The following NOXRED1 variants were observed in gnomAD, a reference collection of about 807,000 sequenced individuals.
NOXRED1 encodes NADP dependent oxidoreductase domain containing 1.
NOXRED1 carries 20 observed loss-of-function variants against 30.4 expected under a neutral mutation model. The observed-to-expected ratio is 0.66, with a 90% CI of 0.46 to 0.96. NOXRED1 has a LOEUF of 0.96. NOXRED1 is among the 40% of genes least tolerant of loss of function. The probability of loss-of-function intolerance (pLI) is 0.00; values close to 1 mark genes in which losing one functional copy is unlikely to be tolerated. For missense variants in NOXRED1, 374 were observed against 428.0 expected (o/e 0.87, Z 1.11); for synonymous variants, 155 against 168.0 (o/e 0.92, Z 0.60).
At position 77,407,634 on chromosome 14, in the gene NOXRED1, T is replaced by G; in HGVS notation, c.361A>C (p.Lys121Gln). The change falls in exon 3 of 6, where the codon AAG becomes CAG. Residue 121 changes from lysine (K) to glutamine (Q), a missense_variant. Physicochemically the swap from Lys to Gln is moderately conservative, Grantham distance 53. Transcript: ENST00000380835. ...RRPETLGELQ[K>Q]LGIKCFYHNA... ...TGGTAAAAGCATTTGATTCCCAGCT[T>G]CTGGAGCTCACCTGGGAGGGATAAA... 6.2e-7 allele frequency: 1 copy of G among 1,613,920 alleles called. No homozygotes were observed. Among genetic ancestry groups the G allele is most frequent in the Non-Finnish European group, 8.5e-7 (1 of 1,179,780 alleles).
At chr14:77,405,169 C>A (rs1027925741) in intron 5 of NOXRED1, among the ~76,000 whole-genome samples, 4 of 152,148 alleles carry the variant, frequency 2.6e-5, no homozygotes, top group African/African-American at 9.7e-5. Context: ...CCAAGGCGGG[C>A]GGATCACTTG....
At chr14:77,399,763 T>A (rs1009418761) in intron 5 of NOXRED1, among the ~76,000 whole-genome samples, 4 of 151,976 alleles carry the variant, frequency 2.6e-5, no homozygotes, top group African/African-American at 9.7e-5. Flanking sequence ...AACATGCGCA[T>A]AATGAGACTA....
Position 77,410,094 on chromosome 14 carries a change from T to C in NOXRED1, c.350-2449A>G, listed in dbSNP as rs1034321142. ...CTGGGATTACCGGCATGAGCCACCA[T>C]GCCCAGTTGGTAAGATTTTTTTTTT... On this transcript the variant is annotated intron_variant, in intron 2 of 5. Coordinates refer to ENST00000380835, the MANE Select transcript of NOXRED1 (RefSeq NM_001113475.3). Among the ~76,000 whole-genome samples the C allele has an allele frequency of 8.6e-5, 13 of 151,660 alleles. No individual in the cohort carries two copies. In the South Asian group the frequency reaches 2.7e-3, roughly 32 times the overall value.
Position 77,413,839 on chromosome 14 carries a change from G to A in NOXRED1, c.349+95C>T, listed in dbSNP as rs920636026. The A allele has an allele frequency of 8.9e-6, 7 of 785,982 alleles. No homozygotes were observed. The African/African-American group carries it at 1.2e-4, about 14-fold the overall frequency. The allele number at this position is 785,982 out of a possible 1,614,324, so 48.7% of individuals were successfully genotyped here. A position where few individuals can be genotyped will look rare whatever the true frequency, so the allele number is the denominator to read the frequency against. On this transcript the variant is annotated intron_variant, in intron 2 of 5. Coordinates refer to ENST00000380835, the MANE Select transcript of NOXRED1 (RefSeq NM_001113475.3). Reference sequence around the variant, plus strand: ...AAGCTGAGAACTCCACACGCTGTATGCAAGGATTCCTCTTTGGAGGACCCT... The same window carrying A: ...AAGCTGAGAACTCCACACGCTGTATACAAGGATTCCTCTTTGGAGGACCCT...
At chr14:77,398,622 TACCC>T (rs1349631997) in intron 5 of NOXRED1, among the ~76,000 whole-genome samples, 2 of 152,204 alleles carry the variant, frequency 1.3e-5, no homozygotes, top group African/African-American at 4.8e-5. Context: ...GACTGAGACC[TACCC>T]GTAGGACTAT....
In NOXRED1 at chr14:77,423,204, G is replaced by A. The variant is rs1215343401; in HGVS notation, c.-315C>T. 1.9e-5 allele frequency: 5 copies of A among 266,066 alleles called. No individual in the cohort carries two copies. The highest frequency in any genetic ancestry group is 2.8e-5 in the Non-Finnish European group (4 of 141,038). The allele number at this position is 266,066 out of a possible 1,614,324, so 16.5% of individuals were successfully genotyped here. A position where few individuals can be genotyped will look rare whatever the true frequency, so the allele number is the denominator to read the frequency against. On this transcript the variant is annotated 5_prime_UTR_variant, in exon 1 of 6. The change creates a premature stop within an existing upstream ORF in the 5' untranslated region. Transcript: ENST00000380835. ...CACACAGGTTACAGGCACTGTTTTCGGCAGATGAATTTACAACAGCAATTG... is the reference window on the plus strand; with the variant it reads ...CACACAGGTTACAGGCACTGTTTTCAGCAGATGAATTTACAACAGCAATTG...
chr14:77,425,844 C>T (rs1566717305), upstream of NOXRED1, among the ~76,000 whole-genome samples: 2 of 152,238 alleles, frequency 1.3e-5, no homozygotes, highest in Non-Finnish European at 2.9e-5. Context: ...GCCATATTGC[C>T]TTAAGGCATG....
chr14:77,415,258 G>A (rs1031684085), intron 1 of NOXRED1, among the ~76,000 whole-genome samples: 4 of 151,722 alleles, frequency 2.6e-5, no homozygotes, highest in Non-Finnish European at 4.4e-5. Flanking sequence ...AAAGTGCACA[G>A]TACAGTTGTG....
In NOXRED1 at chr14:77,414,033, C is replaced by T; in HGVS notation, c.250G>A (p.Gly84Ser). 2 of 1,612,832 alleles carry T rather than the reference C, an allele frequency of 1.2e-6. No homozygotes were observed. The highest frequency in any genetic ancestry group is 1.7e-6 in the Non-Finnish European group (2 of 1,179,008). ...GCCAGCTGCTTCCCAAGGTGGCCAC[C>T]TCCAATGATGCCCACCTTAAACTCT... ...PEEFKVGIIGGGHLGKQLAGT... is the reference protein window; with the variant it reads ...PEEFKVGIIGSGHLGKQLAGT... The change falls in exon 2 of 6, where the codon GGT becomes AGT. Residue 84 changes from glycine (G) to serine (S), a missense_variant. Gly to Ser is a moderately conservative substitution (Grantham distance 56, BLOSUM62 0). Coordinates refer to ENST00000380835, the MANE Select transcript of NOXRED1 (RefSeq NM_001113475.3).
upstream of NOXRED1, among the ~76,000 whole-genome samples, chr14:77,424,079 C>T (rs752163754): frequency 9.9e-5 from 15 of 152,182 alleles, no homozygotes; most frequent in Non-Finnish European, 1.9e-4. Context: ...TGGAATCATA[C>T]AATATGTGAC....
chr14:77,413,882 G>T, intron 2 of NOXRED1, 52 bp downstream of exon 2: 1 of 1,313,434 alleles, frequency 7.6e-7, no homozygotes, highest in Non-Finnish European at 1.0e-6. Context: ...TGGCTTTGTT[G>T]ACACCTACAC....
chr14:77,407,726 A>C, intron 2 of NOXRED1, 81 bp from the exon 3 acceptor site: 1 of 937,206 alleles, frequency 1.1e-6, no homozygotes, highest in Non-Finnish European at 1.7e-6. Flanking sequence ...GAGGGTGATC[A>C]TTATTTTAGC....
chr14:77,422,943 C>A lies in NOXRED1; in HGVS notation c.-54G>T. The A allele has an allele frequency of 6.7e-7, 1 of 1,503,144 alleles. No homozygotes were observed. The highest frequency in any genetic ancestry group is 1.2e-5 in the South Asian group (1 of 82,366). 93.1% of individuals were successfully genotyped at this position (1,503,144 alleles called of 1,614,324 possible). A position where few individuals can be genotyped will look rare whatever the true frequency, so the allele number is the denominator to read the frequency against. On this transcript the variant is annotated 5_prime_UTR_variant, in exon 1 of 6. Transcript: ENST00000380835. ...GACACTAATCAATTTGGCTCCCTGT[C>A]CCGGTAGAAGAGGGGTCTATGTAGG...
intron 1 of NOXRED1, among the ~76,000 whole-genome samples, chr14:77,415,203 C>G (rs1894779006): frequency 6.6e-6 from 1 of 151,712 alleles, no homozygotes; most frequent in African/African-American, 2.4e-5. Flanking sequence ...CACACACACA[C>G]ACACACACAC....
chr14:77,418,169 C>T (rs1821968443), intron 1 of NOXRED1, among the ~76,000 whole-genome samples: 1 of 151,986 alleles, frequency 6.6e-6, no homozygotes, highest in African/African-American at 2.4e-5. Context: ...GGGTCTCACC[C>T]TGTGGCCCAG....
intron 1 of NOXRED1, 140 bp downstream of exon 1, chr14:77,422,595 G>A: frequency 1.3e-6 from 1 of 793,618 alleles, no homozygotes; most frequent in Non-Finnish European, 2.1e-6. Context: ...TAGACCAGGA[G>A]TCATTGACTC....
intron 3 of NOXRED1, among the ~76,000 whole-genome samples, chr14:77,407,252 C>T (rs899659384): frequency 6.6e-6 from 1 of 152,142 alleles, no homozygotes; most frequent in African/African-American, 2.4e-5. Flanking sequence ...TGTACAGCAA[C>T]AAAAATGGTT....
At position 77,423,178 on chromosome 14, in the gene NOXRED1, C is replaced by A; in HGVS notation, c.-289G>T. 1 of 332,770 alleles carries A rather than the reference C, an allele frequency of 3.0e-6. No homozygotes were observed. The highest frequency in any genetic ancestry group is 5.5e-6 in the Non-Finnish European group (1 of 182,844). 20.6% of individuals were successfully genotyped at this position (332,770 alleles called of 1,614,324 possible). A position where few individuals can be genotyped will look rare whatever the true frequency, so the allele number is the denominator to read the frequency against. ...TACAGAAACCCAAAGTATTGTTTCT[C>A]CACACAGGTTACAGGCACTGTTTTC... On this transcript the variant is annotated 5_prime_UTR_variant, in exon 1 of 6. Coordinates refer to ENST00000380835, the MANE Select transcript of NOXRED1 (RefSeq NM_001113475.3).
Position 77,407,576 on chromosome 14 carries a change from A to G in NOXRED1, c.419T>C (p.Ile140Thr). ...NADLVSWADV[I>T]FLCCLPSQLP... ...CTGAGACGGCAAGCAGCAGAGGAAT[A>G]TCACATCGGCCCAACTCACCAGATC... Residue 140 changes from isoleucine to threonine, a missense_variant, in exon 3 of 6, where the codon ATA becomes ACA. Ile to Thr is a moderately conservative substitution (Grantham distance 89). Transcript: ENST00000380835. The G allele has an allele frequency of 6.2e-7, 1 of 1,614,050 alleles. No homozygotes were observed. Among genetic ancestry groups the G allele is most frequent in the Non-Finnish European group, 8.5e-7 (1 of 1,179,876 alleles).
Sources: allele counts gnomAD v4.1 joint callset (sites outside exome capture counted in the v4.1 genomes callset), GRCh38; gene constraint gnomAD v4.1.1; transcripts MANE v1.5; gene names NCBI Gene and HGNC (gene_info 2026-07-23, HGNC 2026-07-21).